The following C11orf65 variants were observed in gnomAD, a reference collection of about 807,000 sequenced individuals.
C11orf65 encodes the protein protein MFI.
Under a neutral mutation model 35.3 loss-of-function variants are expected in C11orf65, and 38 were observed. The observed-to-expected ratio is 1.08, with a 90% CI of 0.83 to 1.41. The LOEUF is 1.41. C11orf65 is among the 40% of genes most tolerant of loss of function. C11orf65 has a pLI of 0.00. For synonymous variants in C11orf65, 105 were observed against 114.4 expected (o/e 0.92, Z 0.53); for missense variants, 370 against 367.1 (o/e 1.01, Z -0.06).
At chr11:108,337,525 G>C (rs1316646259) in intron 2 of C11orf65, among the ~76,000 whole-genome samples, 1 of 152,158 alleles carries the variant, frequency 6.6e-6, no homozygotes, top group African/African-American at 2.4e-5. Flanking sequence ...TTCTAATTCA[G>C]CAAGATTAGG....
At chr11:108,333,767 A>C (rs966430238) in intron 3 of C11orf65, 1 of 839,542 alleles carries the variant, frequency 1.2e-6, no homozygotes. Context: ...TTTCTCAATC[A>C]GAGCCTGAAC....
intron 2 of C11orf65, among the ~76,000 whole-genome samples, chr11:108,356,529 T>A: frequency 7.1e-6 from 1 of 141,676 alleles, no homozygotes; most frequent in Admixed American, 7.3e-5. Flanking sequence ...AGAGCAAGAC[T>A]CTGTCTGTCT....
intron 2 of C11orf65, chr11:108,347,509 C>T: frequency 1.4e-6 from 1 of 690,668 alleles, no homozygotes; most frequent in South Asian, 1.9e-5. Flanking sequence ...TCAGCATAAA[C>T]AGTTGTCCTA....
chr11:108,318,668 G>A (rs2084957470), intron 6 of C11orf65, among the ~76,000 whole-genome samples: 1 of 151,634 alleles, frequency 6.6e-6, no homozygotes, highest in East Asian at 1.9e-4. Context: ...CAGCCTGGGC[G>A]ACAGAGTGAG....
At chr11:108,433,244 T>C (rs1449040432) in intron 2 of C11orf65, among the ~76,000 whole-genome samples, 1 of 149,378 alleles carries the variant, frequency 6.7e-6, no homozygotes, top group Non-Finnish European at 1.5e-5. Context: ...AAAAAATTTA[T>C]ATATATATAT....
At position 108,322,960 on chromosome 11, in the gene C11orf65, C is replaced by T. The variant is rs140283214; in HGVS notation, c.641-13889G>A. On this transcript the variant is annotated intron_variant, in intron 6 of 6. Transcript: ENST00000525729. Reference sequence around the variant, plus strand: ...ATGACAAAGTAAAGTGTTTTGGGTCCTCAGTTTCCTCATTTCTAAAGTCAG... The same window carrying T: ...ATGACAAAGTAAAGTGTTTTGGGTCTTCAGTTTCCTCATTTCTAAAGTCAG... Among the ~76,000 whole-genome samples, 4 of 151,888 alleles carry T rather than the reference C, an allele frequency of 2.6e-5. No homozygotes were observed. The East Asian group carries it at 7.7e-4, about 29-fold the overall frequency.
intron 3 of C11orf65, among the ~76,000 whole-genome samples, chr11:108,410,497 G>A (rs2092634585): frequency 6.6e-6 from 1 of 151,982 alleles, no homozygotes; most frequent in Non-Finnish European, 1.5e-5. Flanking sequence ...GGGACTAAAG[G>A]CACGCACCAT....
upstream of C11orf65, among the ~76,000 whole-genome samples, chr11:108,469,009 T>A (rs1421623971): frequency 3.3e-5 from 5 of 152,026 alleles, no homozygotes; most frequent in Non-Finnish European, 7.4e-5. Flanking sequence ...GATACCCGGC[T>A]AATTTTTTGT....
chr11:108,366,739 T>C lies in C11orf65; in HGVS notation c.226+26469A>G, dbSNP rs2091353149. ...AAGGCAAACACACTTCCTCCTCATC[T>C]CCTTGTGCTAGTGGGCAGAATATTT... is the stretch of plus-strand genomic sequence containing the variant. On this transcript the variant is annotated intron_variant, in intron 2 of 3. Transcript: ENST00000524755. 1.7e-5 allele frequency: 4 copies of C among 231,144 alleles called. No individual in the cohort carries two copies. In the East Asian group the frequency reaches 2.5e-4, roughly 14 times the overall value. 14.3% of individuals were successfully genotyped at this position (231,144 alleles called of 1,614,324 possible). A position where few individuals can be genotyped will look rare whatever the true frequency, so the allele number is the denominator to read the frequency against.
chr11:108,383,742 G>T (rs770255232), intron 8 of C11orf65, among the ~76,000 whole-genome samples: 5 of 152,018 alleles, frequency 3.3e-5, no homozygotes, highest in African/African-American at 4.8e-5. Flanking sequence ...ACCTTCACTG[G>T]CTTCAGTTAT....
At chr11:108,310,890 A>T (rs1269753033) in intron 6 of C11orf65, among the ~76,000 whole-genome samples, 1 of 152,212 alleles carries the variant, frequency 6.6e-6, no homozygotes, top group Admixed American at 6.5e-5. Flanking sequence ...CTCCTAGATC[A>T]TGGGGAAGAA....
intron 7 of C11orf65, among the ~76,000 whole-genome samples, chr11:108,392,078 C>T (rs1440706460): frequency 2.0e-5 from 3 of 151,708 alleles, no homozygotes; most frequent in Non-Finnish European, 4.4e-5. Context: ...GTGTGTGTCT[C>T]GCTCTGTCAC....
At chr11:108,459,726 TACACACACACACACACACACACACACAC>T (rs60928526) in intron 2 of C11orf65, among the ~76,000 whole-genome samples, 2 of 138,570 alleles carry the variant, frequency 1.4e-5, no homozygotes, top group African/African-American at 5.4e-5. Context: ...GTCCTCCGTC[TACACACACACACACACACACACACACAC>T]ACACACACAC....
chr11:108,340,946 GGTGA>G (rs1565553759), intron 2 of C11orf65, among the ~76,000 whole-genome samples: 1 of 151,876 alleles, frequency 6.6e-6, no homozygotes, highest in African/African-American at 2.4e-5. Flanking sequence ...AGGTTTTTTT[GGTGA>G]ATATTTTTGA....
At chr11:108,414,809 A>T (rs1011075379) in intron 3 of C11orf65, among the ~76,000 whole-genome samples, 1 of 152,098 alleles carries the variant, frequency 6.6e-6, no homozygotes, top group Non-Finnish European at 1.5e-5. Context: ...AGACTTAAAA[A>T]TCCTCAAAAA....
In C11orf65 at chr11:108,331,435, T is replaced by A. The variant is rs2086219990; in HGVS notation, c.*115A>T. On this transcript the variant is annotated 3_prime_UTR_variant, in exon 4 of 4. Coordinates refer to the C11orf65 transcript ENST00000524755. ...GTTTCTTAATTTTGTGTCTTTTTTT[T>A]AATGGTAGAGAGACGGAATGAAGAT... The A allele has an allele frequency of 6.2e-7, 1 of 1,611,562 alleles. No individual in the cohort carries two copies. Among genetic ancestry groups the A allele is most frequent in the South Asian group, 1.1e-5 (1 of 90,670 alleles).
At chr11:108,462,687 C>G (rs1006319731) in intron 1 of C11orf65, 29 of 152,120 alleles carry the variant, frequency 1.9e-4, no homozygotes, top group Admixed American at 1.8e-3. Flanking sequence ...GCACTGAATA[C>G]AGGGAGAAAC....
At chr11:108,465,692 T>TAAA (rs150780746) in intron 1 of C11orf65, among the ~76,000 whole-genome samples, 1 of 149,214 alleles carries the variant, frequency 6.7e-6, no homozygotes, top group African/African-American at 2.5e-5. Context: ...GGTTTTTTTT[T>TAAA]AAAAAAAAAA....
Position 108,331,908 on chromosome 11 carries a change from C to T in C11orf65, c.300-341G>A, listed in dbSNP as rs1591171386. 1 of 1,613,806 alleles carries T rather than the reference C, an allele frequency of 6.2e-7. No homozygotes were observed. Among genetic ancestry groups the T allele is most frequent in the Non-Finnish European group, 8.5e-7 (1 of 1,179,852 alleles). ...TCTCTAGAATTTCAATGGATCACCCCCATCACACTTTGTTTATTATACTGG... is the reference window on the plus strand; with the variant it reads ...TCTCTAGAATTTCAATGGATCACCCTCATCACACTTTGTTTATTATACTGG... On this transcript the variant is annotated intron_variant, in intron 3 of 3. Transcript: ENST00000524755.
Sources: gnomAD v4.1 joint callset for allele counts (sites outside exome capture counted in the v4.1 genomes callset) on GRCh38, gnomAD v4.1.1 for gene constraint, MANE v1.5 for transcripts, NCBI Gene and HGNC (gene_info 2026-07-23, HGNC 2026-07-21) for gene names.